Variants in VRTN observed in about 807,000 individuals in gnomAD.
VRTN encodes the protein vertebrae development associated.
Under a neutral mutation model 18.2 loss-of-function variants are expected in VRTN, and 5 were observed. That is an observed-to-expected ratio of 0.27 (90% CI 0.14 to 0.58). VRTN has a LOEUF of 0.58. Ranked by LOEUF, VRTN falls within the 20% of genes least tolerant of loss-of-function variation. The pLI is 0.91. For synonymous variants in VRTN, 381 were observed against 393.7 expected (o/e 0.97, Z 0.38); for missense variants, 741 against 939.4 (o/e 0.79, Z 2.76).
chr14:74,344,750 A>AAAAAAAAAGGT (rs1410658975), upstream of VRTN, among the ~76,000 whole-genome samples: 4 of 128,094 alleles, frequency 3.1e-5, no homozygotes, highest in East Asian at 9.2e-4. Context: ...AAAAAAAATG[A>AAAAAAAAAGGT]AAAAAAGAAA....
chr14:74,341,361 CTT>C (rs1163415490), intron 2 of VRTN, among the ~76,000 whole-genome samples: 1 of 152,182 alleles, frequency 6.6e-6, no homozygotes, highest in Non-Finnish European at 1.5e-5. Flanking sequence ...AAAATTTAGA[CTT>C]TTTACCACCC....
chr14:74,336,208 G>C (rs2085562904), intron 1 of VRTN, among the ~76,000 whole-genome samples: 1 of 150,690 alleles, frequency 6.6e-6, no homozygotes. Context: ...AGGAGTTTGA[G>C]ACCAGCCTGA....
intron 2 of VRTN, among the ~76,000 whole-genome samples, chr14:74,340,604 A>T (rs1221329296): frequency 1.3e-5 from 2 of 152,228 alleles, no homozygotes; most frequent in African/African-American, 4.8e-5. Context: ...GTCTGTAGAC[A>T]TCATTGTATT....
At chr14:74,347,568 T>C (rs975893324), upstream of VRTN, among the ~76,000 whole-genome samples, 5 of 152,080 alleles carry the variant, frequency 3.3e-5, no homozygotes, top group African/African-American at 9.7e-5. Flanking sequence ...GTGGGTGGAA[T>C]TGGAAAGAAG....
intron 2 of VRTN, among the ~76,000 whole-genome samples, chr14:74,340,203 C>A (rs2085593146): frequency 6.6e-6 from 1 of 151,734 alleles, no homozygotes; most frequent in Non-Finnish European, 1.5e-5. Context: ...ACCTCCGCCT[C>A]CCAGGTTCAA....
At chr14:74,354,448 A>C (rs1466098095) in intron 1 of VRTN, among the ~76,000 whole-genome samples, 4 of 150,676 alleles carry the variant, frequency 2.7e-5, no homozygotes, top group African/African-American at 9.8e-5. Context: ...CTCTGTCCCC[A>C]GGGTGGAGTG....
At chr14:74,309,826 A>G (rs931251175) in intron 1 of VRTN, among the ~76,000 whole-genome samples, 3 of 152,208 alleles carry the variant, frequency 2.0e-5, no homozygotes, top group South Asian at 2.1e-4. Context: ...TCTTATACAT[A>G]GATAAAGGGA....
Position 74,358,976 on chromosome 14 carries a change from G to A in VRTN, c.*84G>A. On this transcript the variant is annotated 3_prime_UTR_variant, in exon 2 of 2. Transcript: ENST00000256362. The surrounding 1 kb of genome is among the most constrained non-coding windows in gnomAD (Gnocchi z 5.4). ...CTGAGCTGACCCCAGGCTTGGCCAG[G>A]ATGTCCTTTGCTCTGGGTCCCACAG... 8.7e-6 allele frequency: 13 copies of A among 1,493,988 alleles called. No individual in the cohort carries two copies. In the South Asian group the frequency reaches 9.6e-5, roughly 11 times the overall value. The allele number at this position is 1,493,988 out of a possible 1,614,324, so 92.5% of individuals were successfully genotyped here.
At chr14:74,318,336 T>G (rs549702804) in intron 1 of VRTN, among the ~76,000 whole-genome samples, 36 of 152,034 alleles carry the variant, frequency 2.4e-4, no homozygotes, top group African/African-American at 8.4e-4. Flanking sequence ...AATGGCGTGA[T>G]CTCGGCTCAC....
At chr14:74,313,709 G>C (rs1218237510) in intron 1 of VRTN, among the ~76,000 whole-genome samples, 1 of 152,178 alleles carries the variant, frequency 6.6e-6, no homozygotes, top group African/African-American at 2.4e-5. Flanking sequence ...GGCTGGGCGT[G>C]GTGGCTCATA....
intron 1 of VRTN, among the ~76,000 whole-genome samples, chr14:74,355,317 G>C (rs1377156175): frequency 1.3e-5 from 2 of 152,008 alleles, no homozygotes; most frequent in East Asian, 3.8e-4. Flanking sequence ...TGAATGACCA[G>C]TGTCTATTAG....
In VRTN at chr14:74,323,774, T is replaced by C. The variant is rs1219768955; in HGVS notation, c.-163-13949T>C. ...GGTCAGGGAATCAGGAGACCTGGAT[T>C]CTAGGCCACATTCTACTACTTATCA... On this transcript the variant is annotated intron_variant, in intron 1 of 2. Coordinates refer to the VRTN transcript ENST00000557177. Among the ~76,000 whole-genome samples the C allele has an allele frequency of 2.0e-5, 3 of 152,218 alleles. No individual in the cohort carries two copies. In the East Asian group the frequency reaches 5.8e-4, roughly 29 times the overall value.
At chr14:74,309,389 G>T (rs1481454179) in intron 1 of VRTN, among the ~76,000 whole-genome samples, 2 of 152,128 alleles carry the variant, frequency 1.3e-5, no homozygotes, top group Non-Finnish European at 2.9e-5. Context: ...TTCTAACTGG[G>T]TTTATACACT....
At chr14:74,350,070 G>A (rs899699617) in intron 1 of VRTN, among the ~76,000 whole-genome samples, 2 of 152,154 alleles carry the variant, frequency 1.3e-5, no homozygotes, top group East Asian at 1.9e-4. Flanking sequence ...CCTGGCAACC[G>A]GCTTGTCTGC....
intron 1 of VRTN, among the ~76,000 whole-genome samples, chr14:74,335,695 A>G (rs112807524): frequency 6.6e-6 from 1 of 151,870 alleles, no homozygotes; most frequent in African/African-American, 2.4e-5. Flanking sequence ...AGAAATTTTC[A>G]ATATAGGTGT....
At chr14:74,306,172 A>ATAT (rs1303177798) in intron 1 of VRTN, 23 of 75,646 alleles carry the variant, frequency 3.0e-4, no homozygotes, top group African/African-American at 7.6e-4. Flanking sequence ...ATATATATAT[A>ATAT]TTTTTTTTTT....
intron 1 of VRTN, among the ~76,000 whole-genome samples, chr14:74,316,931 G>A (rs749663327): frequency 1.3e-5 from 2 of 151,878 alleles, no homozygotes; most frequent in African/African-American, 4.8e-5. Context: ...GTCACCGCCC[G>A]GCAAGGAGGG....
chr14:74,352,701 CCACG>C (rs1436844801), intron 1 of VRTN, among the ~76,000 whole-genome samples: 3 of 152,136 alleles, frequency 2.0e-5, no homozygotes, highest in Non-Finnish European at 2.9e-5. Flanking sequence ...GCGTGTGCCA[CCACG>C]CCTGGCCTTA....
At chr14:74,316,303 A>G (rs1250536817) in intron 1 of VRTN, among the ~76,000 whole-genome samples, 1 of 151,968 alleles carries the variant, frequency 6.6e-6, no homozygotes, top group Non-Finnish European at 1.5e-5. Context: ...GGGTCATGAG[A>G]TCAGGAGTTC....
Sources: gnomAD v4.1 joint callset for allele counts (sites outside exome capture counted in the v4.1 genomes callset) on GRCh38, gnomAD v4.1.1 for gene constraint, Gnocchi (gnomAD v3.1) non-coding constraint, MANE v1.5 for transcripts, NCBI Gene and HGNC (gene_info 2026-07-23, HGNC 2026-07-21) for gene names.